Variants in ALPK2 observed in about 807,000 individuals in gnomAD.
ALPK2 encodes the protein alpha-protein kinase 2.
A neutral mutation model predicts 163.1 loss-of-function variants in ALPK2; 127 were observed. The observed-to-expected ratio is 0.78, with a 90% CI of 0.67 to 0.90. The LOEUF is 0.90. Ranked by LOEUF, ALPK2 falls within the 40% of genes least tolerant of loss-of-function variation. The probability of loss-of-function intolerance (pLI) is 0.00; values close to 1 mark genes in which losing one functional copy is unlikely to be tolerated. For synonymous variants in ALPK2, 953 were observed against 959.1 expected (o/e 0.99, Z 0.12); for missense variants, 2,360 against 2,589.6 (o/e 0.91, Z 1.92).
chr18:58,532,567 C>T (rs887587128), intron 5 of ALPK2, among the ~76,000 whole-genome samples: 1 of 152,224 alleles, frequency 6.6e-6, no homozygotes, highest in Non-Finnish European at 1.5e-5. Context: ...ACCACTCTTT[C>T]TCCTAATGCT....
intron 5 of ALPK2, among the ~76,000 whole-genome samples, chr18:58,529,459 A>G (rs1216571543): frequency 6.6e-6 from 1 of 152,218 alleles, no homozygotes; most frequent in African/African-American, 2.4e-5. Context: ...AAAATTCTTT[A>G]GGTGCAGCCT....
At chr18:58,524,126 T>C (rs1302271925) in intron 6 of ALPK2, 64 bp from the exon 7 acceptor site, 1 of 1,551,688 alleles carries the variant, frequency 6.4e-7, no homozygotes, top group South Asian at 1.2e-5. Context: ...TTTCCTAATA[T>C]ACTTAAGGAG....
Position 58,502,134 on chromosome 18 carries a change from CCACACACACACACA to C in ALPK2, c.6247+1783_6247+1796del, listed in dbSNP as rs71173056. On this transcript the variant is annotated intron_variant, in intron 11 of 12. Coordinates refer to ENST00000361673, the MANE Select transcript of ALPK2 (RefSeq NM_052947.4). ...TGAGCAACAAAGTGAAACCCCATCTCCACACACACACACACACACACACACACACACACACACAC... is the reference window on the plus strand; with the variant it reads ...TGAGCAACAAAGTGAAACCCCATCTCCACACACACACACACACACACACAC... Among the ~76,000 whole-genome samples the C allele has an allele frequency of 9.2e-3, 1,099 of 118,818 alleles. 17 individuals are homozygous for C. Among genetic ancestry groups the C allele is most frequent in the African/African-American group, 0.031 (923 of 29,706 alleles). The allele number at this position is 118,818 out of a possible 152,430, so 77.9% of individuals were successfully genotyped here. A position where few individuals can be genotyped will look rare whatever the true frequency, so the allele number is the denominator to read the frequency against.
chr18:58,603,251 C>T (rs1461460664), intron 3 of ALPK2, among the ~76,000 whole-genome samples: 1 of 152,216 alleles, frequency 6.6e-6, no homozygotes, highest in African/African-American at 2.4e-5. Context: ...AACTCCTTCA[C>T]TAATTATACC....
chr18:58,550,441 CTAT>C (rs2051747437), intron 4 of ALPK2, among the ~76,000 whole-genome samples: 1 of 146,870 alleles, frequency 6.8e-6, no homozygotes, highest in Non-Finnish European at 1.5e-5. Context: ...CTACCCCCAT[CTAT>C]ATCATATACA....
At chr18:58,487,683 C>T (rs924973348) in intron 12 of ALPK2, among the ~76,000 whole-genome samples, 1 of 152,062 alleles carries the variant, frequency 6.6e-6, no homozygotes, top group Non-Finnish European at 1.5e-5. Flanking sequence ...ATCTATCCAT[C>T]CTCTCTCACA....
In ALPK2 at chr18:58,517,178, A is replaced by G. The variant is rs1049151623; in HGVS notation, c.5670T>C (p.Cys1890=). 6.2e-7 allele frequency: 1 copy of G among 1,613,022 alleles called. No homozygotes were observed. Among genetic ancestry groups the G allele is most frequent in the Non-Finnish European group, 8.5e-7 (1 of 1,179,154 alleles). The change falls in exon 9 of 13, where the codon TGT becomes TGC. Residue 1890 remains cysteine, a synonymous_variant. Transcript: ENST00000361673. ...QLSSRQDTKG[C]EEIEFSQLIF... ...TGAGTTGGCTGAATTCAATCTCTTCACATCCTGAAACACAGCACAGCTTTG... is the reference window on the plus strand; with the variant it reads ...TGAGTTGGCTGAATTCAATCTCTTCGCATCCTGAAACACAGCACAGCTTTG...
intron 2 of ALPK2, 57 bp downstream of exon 2, chr18:58,611,632 G>A: frequency 6.7e-7 from 1 of 1,484,280 alleles, no homozygotes; most frequent in Non-Finnish European, 9.3e-7. Flanking sequence ...TGTGAGCCAA[G>A]AAACCTGGTA....
chr18:58,608,408 C>A (rs1463126168), intron 2 of ALPK2, among the ~76,000 whole-genome samples: 2 of 152,232 alleles, frequency 1.3e-5, no homozygotes, highest in Non-Finnish European at 2.9e-5. Flanking sequence ...CCGGGAATTT[C>A]ATCCACCCCT....
intron 10 of ALPK2, among the ~76,000 whole-genome samples, chr18:58,508,532 A>T (rs1348555040): frequency 6.6e-6 from 1 of 152,236 alleles, no homozygotes; most frequent in African/African-American, 2.4e-5. Flanking sequence ...ACTAAATCCT[A>T]CCAAAACCAA....
At chr18:58,498,213 A>C in intron 11 of ALPK2, 116 bp from the exon 12 acceptor site, 1 of 945,320 alleles carries the variant, frequency 1.1e-6, no homozygotes, top group Non-Finnish European at 1.7e-6. Flanking sequence ...TCCTTCCTGC[A>C]TAAACACTCG....
chr18:58,531,398 A>C (rs1255959845), intron 5 of ALPK2, among the ~76,000 whole-genome samples: 1 of 151,964 alleles, frequency 6.6e-6, no homozygotes, highest in Non-Finnish European at 1.5e-5. Flanking sequence ...AAGGGGTCTG[A>C]AGTGTACCAG....
At chr18:58,529,277 C>T (rs756946744) in intron 5 of ALPK2, 39 bp from the exon 6 acceptor site, 12 of 1,571,196 alleles carry the variant, frequency 7.6e-6, no homozygotes, top group Admixed American at 7.2e-5. Context: ...TAACAAAAGA[C>T]TTTCCCATTT....
At chr18:58,538,467 C>G (rs2051670138) in intron 4 of ALPK2, 3 of 458,582 alleles carry the variant, frequency 6.5e-6, no homozygotes, top group Admixed American at 3.9e-5. Flanking sequence ...CAAAAAGCCT[C>G]CTGACAACCA....
chr18:58,593,107 G>C (rs2052022894), intron 3 of ALPK2, among the ~76,000 whole-genome samples: 3 of 152,208 alleles, frequency 2.0e-5, no homozygotes, highest in Non-Finnish European at 4.4e-5. Flanking sequence ...CACCAAGAGT[G>C]AACCCTCATG....
At chr18:58,487,736 T>C (rs555306011) in intron 12 of ALPK2, among the ~76,000 whole-genome samples, 13 of 152,266 alleles carry the variant, frequency 8.5e-5, no homozygotes, top group Non-Finnish European at 1.6e-4. Context: ...CTGAACAGCA[T>C]TCAGACCAGG....
chr18:58,553,769 C>A (rs1023255644), intron 4 of ALPK2, among the ~76,000 whole-genome samples: 2 of 151,850 alleles, frequency 1.3e-5, no homozygotes, highest in Non-Finnish European at 2.9e-5. Context: ...GAGGCTTCCC[C>A]AGCCATGCTG....
At chr18:58,626,246 T>C (rs796883970) in intron 1 of ALPK2, among the ~76,000 whole-genome samples, 5 of 152,260 alleles carry the variant, frequency 3.3e-5, no homozygotes, top group African/African-American at 1.2e-4. Flanking sequence ...ACAAGCCCGC[T>C]TGTGAATCTC....
rs75412529 is a variant in ALPK2 at position 58,579,516 on chromosome 18, G to A, written c.1260C>T (p.His420=). The change falls in exon 4 of 13, where the codon CAC becomes CAT. Residue 420 remains histidine, a synonymous_variant. Coordinates refer to ENST00000361673, the MANE Select transcript of ALPK2 (RefSeq NM_052947.4). ...VGVRSSRVSK[H]GPSSPQTGMT... is the part of the protein sequence containing the mutation. ...TCCCTGTTTGTGGGGATGAGGGACCGTGCTTGGAGACTCTGCTGCTCCTCA... is the reference window on the plus strand; with the variant it reads ...TCCCTGTTTGTGGGGATGAGGGACCATGCTTGGAGACTCTGCTGCTCCTCA... The A allele has an allele frequency of 1.2e-3, 1,952 of 1,613,818 alleles. 19 individuals carry two copies. In the African/African-American group the frequency reaches 0.02, roughly 16 times the overall value.
Sources: allele counts gnomAD v4.1 joint callset (sites outside exome capture counted in the v4.1 genomes callset), GRCh38; gene constraint gnomAD v4.1.1; transcripts MANE v1.5; gene names NCBI Gene and HGNC (gene_info 2026-07-23, HGNC 2026-07-21).